Variants in ASXL3 observed in about 807,000 individuals in gnomAD.
ASXL3 encodes putative Polycomb group protein ASXL3.
ASXL3 carries 34 observed loss-of-function variants against 170.6 expected under a neutral mutation model. That is an observed-to-expected ratio of 0.20 (90% CI 0.15 to 0.27). ASXL3 has a LOEUF of 0.27. Among genes scored for constraint, ASXL3 ranks in the 10% least tolerant of loss-of-function variants. ASXL3 has a pLI of 1.00. For missense variants in ASXL3, 2,592 were observed against 2,695.3 expected, an observed-to-expected ratio of 0.96 and a Z score of 0.85; for synonymous variants, 1,002 against 989.1, an observed-to-expected ratio of 1.01 and a Z score of -0.24.
chr18:33,658,672 T>C (rs2066121334), intron 4 of ASXL3, among the ~76,000 whole-genome samples: 1 of 152,120 alleles, frequency 6.6e-6, no homozygotes, highest in Non-Finnish European at 1.5e-5. Flanking sequence ...ATAGTTATTG[T>C]GTCAGTAAAT....
At chr18:33,583,566 G>C (rs111886704) in intron 1 of ASXL3, among the ~76,000 whole-genome samples, 43 of 152,250 alleles carry the variant, frequency 2.8e-4, no homozygotes, top group African/African-American at 9.4e-4. Context: ...TGAGTTTCAA[G>C]CTGGATAAAA....
At chr18:33,742,719 G>GT (rs2067685401) in intron 11 of ASXL3, among the ~76,000 whole-genome samples, 169 bp from the exon 12 acceptor site, 1 of 152,018 alleles carries the variant, frequency 6.6e-6, no homozygotes, top group South Asian at 2.1e-4. Flanking sequence ...TTCATACTAC[G>GT]TTTCTTATTG....
intron 8 of ASXL3, among the ~76,000 whole-genome samples, chr18:33,719,315 G>A (rs566217340): frequency 2.0e-5 from 3 of 151,824 alleles, no homozygotes; most frequent in South Asian, 4.2e-4. Flanking sequence ...TAAATGCCTC[G>A]GAGAGTCCTA....
In ASXL3 at chr18:33,746,729, G is replaced by A. The variant is rs2067801601; in HGVS notation, c.*134G>A. ...TTTGGAGCAGGTACCTTTCCTCTAT[G>A]GCATTATTTTCTTGCATTTCTCATA... On this transcript the variant is annotated 3_prime_UTR_variant, in exon 12 of 12. Transcript: ENST00000269197. 1 of 1,377,076 alleles carries A rather than the reference G, an allele frequency of 7.3e-7. No homozygotes were observed. The highest frequency in any genetic ancestry group is 2.7e-5 in the Admixed American group (1 of 36,696). The allele number at this position is 1,377,076 out of a possible 1,614,324, so 85.3% of individuals were successfully genotyped here.
At chr18:33,635,001 T>A (rs1311542987) in intron 2 of ASXL3, among the ~76,000 whole-genome samples, 1 of 152,080 alleles carries the variant, frequency 6.6e-6, no homozygotes, top group South Asian at 2.1e-4. Context: ...CAGAGGTGAT[T>A]AGTAGCTTTT....
intron 8 of ASXL3, among the ~76,000 whole-genome samples, chr18:33,706,283 G>C (rs1373371436): frequency 6.6e-6 from 1 of 151,524 alleles, no homozygotes; most frequent in Non-Finnish European, 1.5e-5. Flanking sequence ...TGGACATTTT[G>C]GTATTTATGG....
In ASXL3 at chr18:33,745,684, G is replaced by A. The variant is rs1457290017; in HGVS notation, c.5836G>A (p.Ala1946Thr). The change falls in exon 12 of 12, where the codon GCT becomes ACT. Residue 1946 changes from alanine (A) to threonine (T), a missense_variant. Physicochemically the swap from Ala to Thr is moderately conservative, Grantham distance 58. This residue lies in a region of ASXL3 where 2,246 missense variants were observed against 2,219.6 expected (regional missense o/e 1.01). Coordinates refer to ENST00000269197, the MANE Select transcript of ASXL3 (RefSeq NM_030632.3). Reference protein sequence around the residue: ...VAARGPIPTAALLQASSKTPV... With the variant: ...VAARGPIPTATLLQASSKTPV... ...TGCCAGGGGCCCCATTCCTACTGCA[G>A]CTCTGTTACAGGCCTCTTCCAAGAC... is the stretch of plus-strand genomic sequence containing the variant. The A allele has an allele frequency of 6.2e-7, 1 of 1,614,014 alleles. No individual in the cohort carries two copies. Among genetic ancestry groups the A allele is most frequent in the Non-Finnish European group, 8.5e-7 (1 of 1,179,900 alleles).
intron 2 of ASXL3, among the ~76,000 whole-genome samples, chr18:33,633,129 A>G (rs1434253946): frequency 1.3e-5 from 2 of 152,202 alleles, no homozygotes; most frequent in Non-Finnish European, 2.9e-5. Flanking sequence ...GCAAAAATTT[A>G]AAGATTGATA....
At chr18:33,741,536 A>G (rs1043965384) in intron 11 of ASXL3, among the ~76,000 whole-genome samples, 1 of 152,232 alleles carries the variant, frequency 6.6e-6, no homozygotes, top group Non-Finnish European at 1.5e-5. Context: ...AATTTTTTAC[A>G]TAGGAGAAAT....
intron 11 of ASXL3, among the ~76,000 whole-genome samples, chr18:33,741,790 T>TA (rs1418279690): frequency 1.3e-5 from 2 of 152,192 alleles, no homozygotes; most frequent in Non-Finnish European, 2.9e-5. Flanking sequence ...ACTCACTAGT[T>TA]ATATAATCCC....
chr18:33,687,914 C>T (rs2066623569), intron 8 of ASXL3, among the ~76,000 whole-genome samples: 1 of 151,964 alleles, frequency 6.6e-6, no homozygotes, highest in South Asian at 2.1e-4. Flanking sequence ...TGTTCTTGGT[C>T]CTAGGTCTCA....
At chr18:33,661,880 A>C (rs1407242543) in intron 5 of ASXL3, 143 bp downstream of exon 5, 1 of 959,638 alleles carries the variant, frequency 1.0e-6, no homozygotes, top group African/African-American at 1.8e-5. Context: ...ATTCAGTTCA[A>C]TAATTTTAAT....
intron 8 of ASXL3, among the ~76,000 whole-genome samples, chr18:33,690,790 G>A (rs1244527635): frequency 6.6e-6 from 1 of 152,142 alleles, no homozygotes; most frequent in Non-Finnish European, 1.5e-5. Flanking sequence ...CCATGTGGAT[G>A]GTCTCCTCAT....
chr18:33,707,527 AT>A (rs57995941), intron 8 of ASXL3, among the ~76,000 whole-genome samples: 106,673 of 151,630 alleles, frequency 0.7, 39,143 homozygotes, highest in East Asian at 0.98. Flanking sequence ...TTATATATTG[AT>A]TTTTTTCCAG....
intron 8 of ASXL3, among the ~76,000 whole-genome samples, chr18:33,718,172 A>G (rs751229402): frequency 4.6e-5 from 7 of 152,138 alleles, no homozygotes; most frequent in East Asian, 3.9e-4. Context: ...CTGTCATGCT[A>G]TGCAAATCCC....
intron 1 of ASXL3, among the ~76,000 whole-genome samples, chr18:33,598,914 A>G (rs922337170): frequency 3.9e-5 from 6 of 152,184 alleles, no homozygotes; most frequent in African/African-American, 1.4e-4. Flanking sequence ...ACTCCTTTGT[A>G]TCTTCATTAA....
chr18:33,713,235 T>TTTTTG (rs2067101907), intron 8 of ASXL3, among the ~76,000 whole-genome samples: 1 of 69,658 alleles, frequency 1.4e-5, no homozygotes, highest in Non-Finnish European at 2.5e-5. Flanking sequence ...GAAGGTTTTT[T>TTTTTG]TTGTTTTGTT....
intron 8 of ASXL3, among the ~76,000 whole-genome samples, chr18:33,693,059 A>T (rs979438698): frequency 7.2e-5 from 11 of 152,142 alleles, no homozygotes; most frequent in African/African-American, 2.2e-4. Context: ...TAAGAGCCTT[A>T]TCTCCGAAGA....
chr18:33,714,803 G>T (rs1420008764), intron 8 of ASXL3, among the ~76,000 whole-genome samples: 1 of 152,002 alleles, frequency 6.6e-6, no homozygotes, highest in African/African-American at 2.4e-5. Flanking sequence ...GGAAGGACCT[G>T]TGCCTGCTCT....
Sources: allele counts gnomAD v4.1 joint callset (sites outside exome capture counted in the v4.1 genomes callset), GRCh38; gene constraint gnomAD v4.1.1; regional missense constraint gnomAD v4.1.1; transcripts MANE v1.5; gene names NCBI Gene and HGNC (gene_info 2026-07-23, HGNC 2026-07-21).